The following HIKESHI variants were observed in gnomAD, a reference collection of about 807,000 sequenced individuals.
The protein encoded by HIKESHI is protein Hikeshi.
HIKESHI carries 13 observed loss-of-function variants against 25.7 expected under a neutral mutation model. The observed-to-expected ratio is 0.51, with a 90% CI of 0.33 to 0.80. The LOEUF (loss-of-function observed/expected upper bound fraction) is 0.80, where lower values mean the gene tolerates loss of function less well. Among genes scored for constraint, HIKESHI ranks in the 30% least tolerant of loss-of-function variants. The pLI is 0.02. For missense variants in HIKESHI, 174 were observed against 229.5 expected, an observed-to-expected ratio of 0.76 and a Z score of 1.56; for synonymous variants, 76 against 78.7, an observed-to-expected ratio of 0.97 and a Z score of 0.18.
At chr11:86,339,225 T>G (rs557093627) in intron 3 of HIKESHI, among the ~76,000 whole-genome samples, 1 of 152,260 alleles carries the variant, frequency 6.6e-6, no homozygotes, top group Non-Finnish European at 1.5e-5. Context: ...TTTTTTGTAT[T>G]TTTTCGTAGA....
chr11:86,319,904 A>G (rs1170589048), intron 2 of HIKESHI, among the ~76,000 whole-genome samples: 1 of 149,208 alleles, frequency 6.7e-6, no homozygotes, highest in Admixed American at 6.7e-5. Flanking sequence ...TAATTTATTA[A>G]TTGAGTAGGG....
At chr11:86,336,551 A>G (rs942389131) in intron 2 of HIKESHI, among the ~76,000 whole-genome samples, 1 of 152,202 alleles carries the variant, frequency 6.6e-6, no homozygotes, top group Non-Finnish European at 1.5e-5. Flanking sequence ...CAGATACCAA[A>G]TCTGCCGGTT....
At chr11:86,305,574 T>C (rs953361950) in intron 1 of HIKESHI, among the ~76,000 whole-genome samples, 2 of 150,902 alleles carry the variant, frequency 1.3e-5, no homozygotes, top group Non-Finnish European at 3.0e-5. Context: ...TTAGTAGAAA[T>C]GGGGTTTCTC....
At chr11:86,316,503 C>G (rs1946982452) in intron 2 of HIKESHI, among the ~76,000 whole-genome samples, 1 of 151,876 alleles carries the variant, frequency 6.6e-6, no homozygotes, top group South Asian at 2.1e-4. Context: ...CAGAGTGAGA[C>G]TCCATCTTCA....
chr11:86,345,728 C>A lies in HIKESHI; in HGVS notation c.*90C>A. On this transcript the variant is annotated 3_prime_UTR_variant, in exon 5 of 5. Transcript: ENST00000278483. Reference sequence around the variant, plus strand: ...CTAAAAGTATGAGGTCAAAGGATCACGAAACCTAAGTTTAAAAACTGCTTA... The same window carrying A: ...CTAAAAGTATGAGGTCAAAGGATCAAGAAACCTAAGTTTAAAAACTGCTTA... 1.5e-6 allele frequency: 1 copy of A among 664,854 alleles called. No homozygotes were observed. Among genetic ancestry groups the A allele is most frequent in the Non-Finnish European group, 2.4e-6 (1 of 410,800 alleles). The allele number at this position is 664,854 out of a possible 1,614,324, so 41.2% of individuals were successfully genotyped here. A position where few individuals can be genotyped will look rare whatever the true frequency, so the allele number is the denominator to read the frequency against.
intron 2 of HIKESHI, among the ~76,000 whole-genome samples, chr11:86,331,105 G>A (rs548596650): frequency 1.3e-4 from 20 of 152,126 alleles, no homozygotes; most frequent in Admixed American, 7.2e-4. Flanking sequence ...ACAAATGCAT[G>A]GTAGTACCTT....
chr11:86,331,791 T>C (rs1947430537), intron 2 of HIKESHI, among the ~76,000 whole-genome samples: 1 of 152,166 alleles, frequency 6.6e-6, no homozygotes, highest in Admixed American at 6.5e-5. Flanking sequence ...ATTTCAGGTT[T>C]GTCTAGGTAT....
rs532707693 is a variant in HIKESHI, at chr11:86,320,851, CT to C, written c.268+14377del. On this transcript the variant is annotated intron_variant, in intron 2 of 4. Transcript: ENST00000278483. ...TAGATGAAGTCATACAGTATGCATT[CT>C]TTTTTTTGTCTGGCTTTTTTTACTC... 3.9e-5 allele frequency among the ~76,000 whole-genome samples: 6 copies of C among 151,998 alleles called. No individual in the cohort carries two copies. In the East Asian group the frequency reaches 1.2e-3, roughly 29 times the overall value.
chr11:86,324,205 C>T (rs1222786803), intron 2 of HIKESHI: 1 of 152,128 alleles, frequency 6.6e-6, no homozygotes, highest in Non-Finnish European at 1.5e-5. Flanking sequence ...TGTGGACACC[C>T]AACCAGCGTA....
At chr11:86,326,632 A>G (rs890219853) in intron 2 of HIKESHI, 1 of 449,766 alleles carries the variant, frequency 2.2e-6, no homozygotes, top group African/African-American at 2.0e-5. Flanking sequence ...ATAAATGAGA[A>G]TCTCTCTATG....
intron 3 of HIKESHI, among the ~76,000 whole-genome samples, chr11:86,342,478 C>CAT (rs1555187576): frequency 1.4e-5 from 2 of 147,356 alleles, no homozygotes; most frequent in Non-Finnish European, 3.0e-5. Flanking sequence ...TAAAGATGTT[C>CAT]GTGTGTGTGT....
At chr11:86,323,210 G>A (rs1216210311) in intron 2 of HIKESHI, among the ~76,000 whole-genome samples, 1 of 151,798 alleles carries the variant, frequency 6.6e-6, no homozygotes, top group East Asian at 1.9e-4. Flanking sequence ...CAGCCTGGGG[G>A]ACAGAGTGAG....
intron 3 of HIKESHI, among the ~76,000 whole-genome samples, chr11:86,342,368 T>C (rs1947754425): frequency 6.6e-6 from 1 of 152,198 alleles, no homozygotes; most frequent in African/African-American, 2.4e-5. Context: ...AGATATACTA[T>C]ATTTGTATAT....
chr11:86,309,421 A>AT (rs1240955147), intron 2 of HIKESHI, among the ~76,000 whole-genome samples: 1 of 151,498 alleles, frequency 6.6e-6, no homozygotes, highest in Non-Finnish European at 1.5e-5. Context: ...GGGCTGTTTG[A>AT]TTTTTTTCTT....
intron 1 of HIKESHI, among the ~76,000 whole-genome samples, chr11:86,306,026 T>C (rs1946613539): frequency 6.6e-6 from 1 of 152,232 alleles, no homozygotes; most frequent in African/African-American, 2.4e-5. Context: ...ATTACAGGTG[T>C]GAGCCGCTGT....
intron 2 of HIKESHI, among the ~76,000 whole-genome samples, chr11:86,315,025 G>A (rs1946937519): frequency 6.6e-6 from 1 of 152,196 alleles, no homozygotes; most frequent in South Asian, 2.1e-4. Context: ...ATATGACATA[G>A]TATTTGAACA....
At chr11:86,305,394 T>C (rs1946596612) in intron 1 of HIKESHI, among the ~76,000 whole-genome samples, 1 of 152,126 alleles carries the variant, frequency 6.6e-6, no homozygotes, top group South Asian at 2.1e-4. Context: ...TATTTTTATT[T>C]ATTTATTTTT....
Position 86,334,702 on chromosome 11 carries a change from A to G in HIKESHI, c.269-2677A>G, listed in dbSNP as rs1172477042. 2.6e-5 allele frequency among the ~76,000 whole-genome samples: 4 copies of G among 152,298 alleles called. No homozygotes were observed. In the East Asian group the frequency reaches 7.7e-4, roughly 29 times the overall value. The stretch of plus-strand genomic sequence containing the variant: ...AGTCTTCCATAAAAGCAACAACAAC[A>G]CTGTCAGAAGATCACAGCTCACTGT... On this transcript the variant is annotated intron_variant, in intron 2 of 4. Transcript: ENST00000278483.
At chr11:86,322,789 T>C (rs1180261756) in intron 2 of HIKESHI, among the ~76,000 whole-genome samples, 2 of 150,912 alleles carry the variant, frequency 1.3e-5, no homozygotes, top group East Asian at 3.9e-4. Flanking sequence ...TTGCAAGGAA[T>C]CTGTCAAAAA....
Sources: allele counts gnomAD v4.1 joint callset (sites outside exome capture counted in the v4.1 genomes callset), GRCh38; gene constraint gnomAD v4.1.1; transcripts MANE v1.5; gene names NCBI Gene and HGNC (gene_info 2026-07-23, HGNC 2026-07-21).